The following SND1 variants were observed in gnomAD, a reference collection of about 807,000 sequenced individuals.
SND1 encodes the protein staphylococcal nuclease and tudor domain containing 1.
In SND1, 38 loss-of-function variants were observed where a neutral mutation model predicts 121.7. That is an observed-to-expected ratio of 0.31 (90% CI 0.24 to 0.41). SND1 has a LOEUF of 0.41. Among genes scored for constraint, SND1 ranks in the 10% least tolerant of loss-of-function variants. SND1 has a pLI of 1.00. For synonymous variants in SND1, 401 were observed against 447.4 expected (o/e 0.90, Z 1.31); for missense variants, 868 against 1,184.6 (o/e 0.73, Z 3.92).
At chr7:128,048,450 C>CAG (rs1245181790) in intron 16 of SND1, among the ~76,000 whole-genome samples, 19 of 152,100 alleles carry the variant, frequency 1.2e-4, no homozygotes, top group Non-Finnish European at 1.9e-4. Context: ...GAGCAGGCCT[C>CAG]ATGTATGACG....
intron 12 of SND1, among the ~76,000 whole-genome samples, chr7:127,883,415 G>A (rs1799833087): frequency 6.6e-6 from 1 of 152,056 alleles, no homozygotes; most frequent in African/African-American, 2.4e-5. Context: ...TTGATAATTT[G>A]TCTAAAACTG....
At position 127,990,967 on chromosome 7, in the gene SND1, G is replaced by C; in HGVS notation, c.1690G>C (p.Ala564Pro). 6.2e-7 allele frequency: 1 copy of C among 1,613,862 alleles called. No individual in the cohort carries two copies. The highest frequency in any genetic ancestry group is 8.5e-7 in the Non-Finnish European group (1 of 1,179,852). Residue 564 changes from alanine to proline, a missense_variant, in exon 16 of 24, where the codon GCC (alanine) becomes CCC (proline). This residue lies in a region of SND1 where 743 missense variants were observed against 1,071.3 expected (regional missense o/e 0.69). Transcript: ENST00000354725. ...LLAGIECPRG[A>P]RNLPGLVQEG... Reference sequence around the variant, plus strand: ...CACAGGCATTGAATGCCCCAGAGGAGCCCGAAACCTCCCAGGCTTGGTGCA... The same window carrying C: ...CACAGGCATTGAATGCCCCAGAGGACCCCGAAACCTCCCAGGCTTGGTGCA...
intron 16 of SND1, among the ~76,000 whole-genome samples, chr7:128,055,101 G>GGTTTT (rs1281505064): frequency 1.1e-4 from 16 of 152,098 alleles, no homozygotes; most frequent in East Asian, 5.8e-4. Flanking sequence ...TAAACTTCGT[G>GGTTTT]GTTTTGTTTT....
At chr7:127,999,770 C>T (rs1374132265) in intron 16 of SND1, 1 of 152,118 alleles carries the variant, frequency 6.6e-6, no homozygotes, top group Non-Finnish European at 1.5e-5. Flanking sequence ...TACAGTCTAC[C>T]CATCTGACAT....
At chr7:127,925,914 C>CTT (rs945882709) in intron 14 of SND1, among the ~76,000 whole-genome samples, 4 of 145,176 alleles carry the variant, frequency 2.8e-5, no homozygotes, top group South Asian at 2.2e-4. Flanking sequence ...TTTCTTTTTT[C>CTT]TTTTTTTTTT....
intron 10 of SND1, among the ~76,000 whole-genome samples, chr7:127,747,342 G>T (rs1797000201): frequency 6.6e-6 from 1 of 152,032 alleles, no homozygotes; most frequent in South Asian, 2.1e-4. Context: ...GATTGCCTAT[G>T]CAATTCCTGC....
intron 9 of SND1, among the ~76,000 whole-genome samples, chr7:127,708,248 AAACT>A (rs1796236672): frequency 6.6e-6 from 1 of 152,118 alleles, no homozygotes; most frequent in South Asian, 2.1e-4. Flanking sequence ...TAGGTTAGGT[AAACT>A]AACCTAAGCA....
intron 10 of SND1, among the ~76,000 whole-genome samples, chr7:127,755,123 G>T (rs1032346909): frequency 6.6e-6 from 1 of 152,168 alleles, no homozygotes; most frequent in African/African-American, 2.4e-5. Context: ...ATGATGCCAA[G>T]AAGTGTATAT....
intron 15 of SND1, among the ~76,000 whole-genome samples, chr7:127,941,078 A>G (rs1472104641): frequency 1.3e-5 from 2 of 152,258 alleles, no homozygotes; most frequent in African/African-American, 4.8e-5. Context: ...AGAACAATCC[A>G]CAGAAGTTCG....
At chr7:127,807,351 A>T (rs1798255278) in intron 10 of SND1, 133 bp from the exon 11 acceptor site, 4 of 644,982 alleles carry the variant, frequency 6.2e-6, no homozygotes, top group Non-Finnish European at 1.1e-5. Context: ...ATCATTTATT[A>T]TGTGTCTTAA....
chr7:127,702,792 A>T (rs960907975), intron 6 of SND1, among the ~76,000 whole-genome samples: 1 of 152,176 alleles, frequency 6.6e-6, no homozygotes, highest in African/African-American at 2.4e-5. Context: ...GAACAATGAG[A>T]GGCTATGAAG....
At position 127,947,230 on chromosome 7, in the gene SND1, C is replaced by T. The variant is rs146814908; in HGVS notation, c.1669+17901C>T. 3.9e-5 allele frequency among the ~76,000 whole-genome samples: 6 copies of T among 152,222 alleles called. No individual in the cohort carries two copies. The East Asian group carries it at 1.2e-3, about 29-fold the overall frequency. On this transcript the variant is annotated intron_variant, in intron 15 of 23. Transcript: ENST00000354725. ...TGAGATGTTATCAGGGGTGAAAGAACCTAAAAGTATAATAGCATTTAAGTA... is the reference window on the plus strand; with the variant it reads ...TGAGATGTTATCAGGGGTGAAAGAATCTAAAAGTATAATAGCATTTAAGTA...
At chr7:127,666,720 C>G (rs534162003) in intron 1 of SND1, among the ~76,000 whole-genome samples, 1 of 152,054 alleles carries the variant, frequency 6.6e-6, no homozygotes. Flanking sequence ...CTTGCAGTGC[C>G]GGGATCATAA....
chr7:127,929,096 G>C (rs988690403), intron 14 of SND1, 92 bp from the exon 15 acceptor site: 1 of 1,328,872 alleles, frequency 7.5e-7, no homozygotes, highest in Admixed American at 2.0e-5. Flanking sequence ...TATTTGCTTA[G>C]CTTCCTGCCA....
At chr7:127,798,353 G>A (rs1798063962) in intron 10 of SND1, among the ~76,000 whole-genome samples, 1 of 152,156 alleles carries the variant, frequency 6.6e-6, no homozygotes, top group Admixed American at 6.5e-5. Flanking sequence ...TTGGGGGCTT[G>A]GGCAGGAAAG....
intron 2 of SND1, 113 bp downstream of exon 2, chr7:127,686,875 A>G (rs1795823052): frequency 1.7e-6 from 2 of 1,208,148 alleles, no homozygotes; most frequent in South Asian, 1.5e-5. Context: ...GTATTTTTAT[A>G]TCATAGAACT....
intron 15 of SND1, among the ~76,000 whole-genome samples, chr7:127,972,234 T>C (rs1006789710): frequency 2.0e-5 from 3 of 152,086 alleles, no homozygotes; most frequent in African/African-American, 7.2e-5. Context: ...TTGTCTAGTT[T>C]TTAGGTTTTT....
chr7:127,671,086 G>A (rs1489417660), intron 1 of SND1, among the ~76,000 whole-genome samples: 1 of 152,202 alleles, frequency 6.6e-6, no homozygotes, highest in Admixed American at 6.5e-5. Context: ...AGTTGCATGT[G>A]CATGGAGAGA....
chr7:127,990,111 ATAATAT>A (rs1446087147), intron 15 of SND1, among the ~76,000 whole-genome samples: 6 of 152,338 alleles, frequency 3.9e-5, no homozygotes, highest in African/African-American at 1.4e-4. Context: ...GATGATACAG[ATAATAT>A]TAATAATAGG....
Sources: gnomAD v4.1 joint callset for allele counts (sites outside exome capture counted in the v4.1 genomes callset) on GRCh38, gnomAD v4.1.1 for gene constraint, gnomAD v4.1.1 regional missense constraint, MANE v1.5 for transcripts, NCBI Gene and HGNC (gene_info 2026-07-23, HGNC 2026-07-21) for gene names.